The following SLC47A2 variants were observed in gnomAD, a reference collection of about 807,000 sequenced individuals.
The protein encoded by SLC47A2 is multidrug and toxin extrusion protein 2.
SLC47A2 carries 52 observed loss-of-function variants against 67.7 expected under a neutral mutation model. The ratio of observed to expected loss-of-function variants is 0.77; its 90% CI spans 0.61 to 0.97. SLC47A2 has a LOEUF of 0.97. SLC47A2 is among the 50% of genes least tolerant of loss of function. SLC47A2 has a pLI of 0.00. For missense variants in SLC47A2, 676 were observed against 712.3 expected, an observed-to-expected ratio of 0.95 and a Z score of 0.58; for synonymous variants, 278 against 292.9, an observed-to-expected ratio of 0.95 and a Z score of 0.52.
Position 19,708,326 on chromosome 17 carries a change from A to T in SLC47A2, c.605T>A (p.Val202Asp). The change falls in exon 7 of 17, where the codon GTT (valine) becomes GAT (aspartate). Residue 202 changes from valine to aspartate, a missense_variant. Coordinates refer to ENST00000433844, the MANE Select transcript of SLC47A2 (RefSeq NM_001099646.3). ...CVNGVANYAL[V>D]SVLNLGVRGS... ...CCTGACCCCCAGGTTCAGCACAGAA[A>T]CCAGGGCATAGTTGGCCACACCGTT... The T allele has an allele frequency of 6.2e-7, 1 of 1,613,216 alleles. No homozygotes were observed. The highest frequency in any genetic ancestry group is 8.5e-7 in the Non-Finnish European group (1 of 1,179,990).
intron 3 of SLC47A2, chr17:19,714,425 T>C (rs888112597): frequency 3.9e-6 from 2 of 514,410 alleles, no homozygotes; most frequent in Non-Finnish European, 7.0e-6. Flanking sequence ...GAACTTAGGA[T>C]TGAGGCTGGG....
At chr17:19,701,146 C>T (rs113389786) in intron 13 of SLC47A2, among the ~76,000 whole-genome samples, 2,368 of 136,626 alleles carry the variant, frequency 0.017, 58 homozygotes, top group African/African-American at 0.062. Flanking sequence ...CCAGCCTGGG[C>T]GACAGAATGA....
intron 13 of SLC47A2, among the ~76,000 whole-genome samples, chr17:19,683,624 G>A (rs2085360678): frequency 6.6e-6 from 1 of 152,194 alleles, no homozygotes; most frequent in African/African-American, 2.4e-5. Context: ...CCTCCCACAT[G>A]TTCCTGGACA....
chr17:19,679,632 T>C (rs1038101166), intron 16 of SLC47A2, among the ~76,000 whole-genome samples: 1 of 152,114 alleles, frequency 6.6e-6, no homozygotes, highest in Admixed American at 6.6e-5. Flanking sequence ...GCAGATCTTA[T>C]GTCTGGCCTT....
At chr17:19,690,363 C>G (rs1290255310) in intron 13 of SLC47A2, among the ~76,000 whole-genome samples, 1 of 152,030 alleles carries the variant, frequency 6.6e-6, no homozygotes, top group Non-Finnish European at 1.5e-5. Context: ...TTGATCTGGG[C>G]AAAGATTTCT....
chr17:19,703,316 G>A (rs539170927), intron 11 of SLC47A2, 149 bp from the exon 12 acceptor site: 12 of 668,102 alleles, frequency 1.8e-5, no homozygotes, highest in Admixed American at 7.5e-5. Flanking sequence ...CATGTCCCCC[G>A]CATCTGAGGC....
chr17:19,707,443 C>T (rs1001044112), intron 8 of SLC47A2, among the ~76,000 whole-genome samples: 5 of 152,202 alleles, frequency 3.3e-5, no homozygotes, highest in Non-Finnish European at 7.3e-5. Context: ...ACTGCTGACG[C>T]CTGGTATTCC....
rs16960357 is a variant in SLC47A2, at chr17:19,706,154, G to A, written c.841+494C>T. Among the ~76,000 whole-genome samples the A allele has an allele frequency of 9.0e-3, 1,371 of 152,264 alleles. 36 individuals are homozygous for A. In the East Asian group the frequency reaches 0.092, roughly 10 times the overall value. ...GGAGTTCCTGTGTTCTTGGGGCCCC[G>A]TTTTCTCATCTGCAAATGCGGGGCA... On this transcript the variant is annotated intron_variant, in intron 9 of 16. Coordinates refer to ENST00000433844, the MANE Select transcript of SLC47A2 (RefSeq NM_001099646.3).
rs1221079539 is a variant in SLC47A2, at chr17:19,681,758, C to T, written c.1165-88G>A. ...AGCAGGCACTGTGCTAAGCCATTCG[C>T]ATGGCATTGCTTCACTGAGTTCTCA... is the stretch of plus-strand genomic sequence containing the variant. On this transcript the variant is annotated intron_variant, in intron 13 of 16. Transcript: ENST00000433844. 4.7e-6 allele frequency: 7 copies of T among 1,481,162 alleles called. No homozygotes were observed. The Admixed American group carries it at 6.0e-5, about 13-fold the overall frequency. The allele number at this position is 1,481,162 out of a possible 1,614,324, so 91.8% of individuals were successfully genotyped here.
At position 19,694,776 on chromosome 17, in the gene SLC47A2, C is replaced by T. The variant is rs536491293; in HGVS notation, c.1164+7829G>A. Among the ~76,000 whole-genome samples the T allele has an allele frequency of 1.1e-4, 17 of 152,032 alleles. No individual in the cohort carries two copies. The East Asian group carries it at 1.2e-3, about 10-fold the overall frequency. ...ACTAAAAATACAAAAATTAGCCGGA[C>T]GAGGTGGCACACACCTGTAGTCCCA... On this transcript the variant is annotated intron_variant, in intron 13 of 16. Transcript: ENST00000433844.
intron 16 of SLC47A2, among the ~76,000 whole-genome samples, 165 bp downstream of exon 16, chr17:19,679,784 ATGT>A (rs1229675285): frequency 1.3e-5 from 2 of 152,018 alleles, no homozygotes; most frequent in African/African-American, 2.4e-5. Flanking sequence ...TAGACAATAG[ATGT>A]TGTTGTCTTC....
rs2085395503 is a variant in SLC47A2, at chr17:19,685,022, T to C, written c.1165-3352A>G. Among the ~76,000 whole-genome samples, 1 of 152,132 alleles carries C rather than the reference T, an allele frequency of 6.6e-6. No homozygotes were observed. Among genetic ancestry groups the C allele is most frequent in the African/African-American group, 2.4e-5 (1 of 41,434 alleles). ...TGCCACTCCTGACTGGTTTTTGTAT[T>C]TTTGGTGGAGATGGGGTTTCGCCGT... On this transcript the variant is annotated intron_variant, in intron 13 of 16. Transcript: ENST00000433844. The surrounding 1 kb of genome is among the most constrained non-coding windows in gnomAD (Gnocchi z 4.5).
At position 19,678,741 on chromosome 17, in the gene SLC47A2, G is replaced by A. The variant is rs113657311; in HGVS notation, c.1646C>T (p.Ala549Val). 2.2e-5 allele frequency: 36 copies of A among 1,613,788 alleles called. No individual in the cohort carries two copies. The highest frequency in any genetic ancestry group is 3.3e-5 in the Admixed American group (2 of 60,012). ...VIRRGAALGAASATLMVGLTV... is the reference protein window; with the variant it reads ...VIRRGAALGAVSATLMVGLTV... ...GAGCCCCACCATCAGTGTGGCTGAC[G>A]CCGCCCCCAGAGCAGCCCCACGGCG... Residue 549 changes from alanine (A) to valine (V), a missense_variant, in exon 17 of 17, where the codon GCG becomes GTG. Coordinates refer to ENST00000433844, the MANE Select transcript of SLC47A2 (RefSeq NM_001099646.3).
At chr17:19,705,851 G>A (rs763013641) in intron 9 of SLC47A2, among the ~76,000 whole-genome samples, 10 of 152,162 alleles carry the variant, frequency 6.6e-5, no homozygotes, top group East Asian at 1.9e-4. Context: ...CACCCACCTC[G>A]GCCTTTCAAA....
intron 8 of SLC47A2, among the ~76,000 whole-genome samples, chr17:19,707,482 T>G (rs2085972066): frequency 6.6e-6 from 1 of 152,208 alleles, no homozygotes; most frequent in South Asian, 2.1e-4. Flanking sequence ...ACCGCCATCC[T>G]GAGAGCAGAG....
intron 9 of SLC47A2, 29 bp downstream of exon 9, chr17:19,706,619 C>T (rs1019784155): frequency 7.1e-6 from 11 of 1,541,764 alleles, no homozygotes; most frequent in African/African-American, 1.4e-5. Flanking sequence ...GCCCACACGC[C>T]ATTGCGCCCC....
At chr17:19,714,991 C>T in intron 2 of SLC47A2, 125 bp downstream of exon 2, 1 of 1,282,880 alleles carries the variant, frequency 7.8e-7, no homozygotes, top group Non-Finnish European at 1.1e-6. Flanking sequence ...GTGAAGGCAG[C>T]TGTCCAGCCA....
upstream of SLC47A2, chr17:19,717,613 C>T (rs2086293898): frequency 6.6e-6 from 1 of 152,408 alleles, no homozygotes; most frequent in East Asian, 1.9e-4. Flanking sequence ...CCATGTCCAC[C>T]CCTGCAGCGG....
intron 5 of SLC47A2, among the ~76,000 whole-genome samples, chr17:19,709,559 C>T (rs955532007): frequency 2.6e-5 from 4 of 152,126 alleles, no homozygotes; most frequent in African/African-American, 9.7e-5. Flanking sequence ...TTTGTCTCCT[C>T]ATCTGTAATG....
Sources: gnomAD v4.1 joint callset for allele counts (sites outside exome capture counted in the v4.1 genomes callset) on GRCh38, gnomAD v4.1.1 for gene constraint, Gnocchi (gnomAD v3.1) non-coding constraint, MANE v1.5 for transcripts, NCBI Gene and HGNC (gene_info 2026-07-23, HGNC 2026-07-21) for gene names.